RAB11FIP3: variants seen among roughly 807,000 people sequenced by gnomAD.
RAB11FIP3 encodes the protein RAB11 family interacting protein 3.
RAB11FIP3 carries 17 observed loss-of-function variants against 77.8 expected under a neutral mutation model. The ratio of observed to expected loss-of-function variants is 0.22; its 90% CI spans 0.15 to 0.33. The LOEUF is 0.33. Ranked by LOEUF, RAB11FIP3 falls within the 10% of genes least tolerant of loss-of-function variation. The pLI is 1.00. For missense variants in RAB11FIP3, 1,005 were observed against 1,011.2 expected (o/e 0.99, Z 0.08); for synonymous variants, 437 against 448.2 (o/e 0.98, Z 0.31).
chr16:462,513 T>A (rs1019055942), intron 2 of RAB11FIP3, among the ~76,000 whole-genome samples: 1 of 152,100 alleles, frequency 6.6e-6, no homozygotes, highest in African/African-American at 2.4e-5. Context: ...GGTGCTGGGA[T>A]TACAGGCATG....
intron 3 of RAB11FIP3, chr16:477,585 G>A (rs2055943498): frequency 1.0e-6 from 1 of 983,100 alleles, no homozygotes; most frequent in African/African-American, 1.7e-5. Flanking sequence ...CGCAGGCCCA[G>A]CACAGGCCAG....
At chr16:496,134 G>A (rs571226819) in intron 5 of RAB11FIP3, among the ~76,000 whole-genome samples, 3 of 152,322 alleles carry the variant, frequency 2.0e-5, no homozygotes, top group African/African-American at 7.2e-5. Flanking sequence ...ACGTGGCTTT[G>A]TGAGTTCCAG....
At position 426,379 on chromosome 16, in the gene RAB11FIP3, T is replaced by G; in HGVS notation, c.373T>G (p.Trp125Gly). ...PLPELDPLFS[W>G]TEEPEECGPA... ...TCCAGAACTCGACCCGTTGTTCTCC[T>G]GGACTGAGGAGCCCGAGGAGTGTGG... The change falls in exon 1 of 14, where the codon TGG becomes GGG. Residue 125 changes from tryptophan (W) to glycine (G), a missense_variant. Trp to Gly is a radical substitution (Grantham distance 184). This residue lies in a region of RAB11FIP3 where 466 missense variants were observed against 408.3 expected (regional missense o/e 1.14). Coordinates refer to ENST00000262305, the MANE Select transcript of RAB11FIP3 (RefSeq NM_014700.4). The surrounding 1 kb of genome is among the most constrained non-coding windows in gnomAD (Gnocchi z 5.0). 2 of 1,574,846 alleles carry G rather than the reference T, an allele frequency of 1.3e-6. No individual in the cohort carries two copies. The highest frequency in any genetic ancestry group is 1.7e-6 in the Non-Finnish European group (2 of 1,163,032).
chr16:481,284 G>A (rs917141451), intron 3 of RAB11FIP3, among the ~76,000 whole-genome samples: 4 of 151,842 alleles, frequency 2.6e-5, no homozygotes, highest in African/African-American at 9.7e-5. Context: ...GCTGAGGTGG[G>A]TGGATCACCT....
chr16:475,381 A>G (rs2055883877), intron 3 of RAB11FIP3, among the ~76,000 whole-genome samples: 1 of 152,234 alleles, frequency 6.6e-6, no homozygotes, highest in South Asian at 2.1e-4. Context: ...GGTAGCATAG[A>G]CTTGATGGCT....
At chr16:441,536 A>C (rs1359038545) in intron 1 of RAB11FIP3, among the ~76,000 whole-genome samples, 1 of 152,206 alleles carries the variant, frequency 6.6e-6, no homozygotes, top group Admixed American at 6.5e-5. Context: ...ATCCTGTAAC[A>C]GTCATAAAAT....
chr16:511,734 T>C (rs1343422117), intron 9 of RAB11FIP3, among the ~76,000 whole-genome samples: 29 of 41,082 alleles, frequency 7.1e-4, no homozygotes, highest in Admixed American at 2.6e-3. Context: ...GGAGAGGTTC[T>C]TGACAGACCG....
chr16:484,635 G>C (rs2056115928), intron 4 of RAB11FIP3, among the ~76,000 whole-genome samples: 1 of 152,222 alleles, frequency 6.6e-6, no homozygotes, highest in African/African-American at 2.4e-5. Context: ...TGAGAGGTGT[G>C]AGCCACCGCG....
Position 506,056 on chromosome 16 carries a change from C to G in RAB11FIP3, c.1499+429C>G, listed in dbSNP as rs562722416. Among the ~76,000 whole-genome samples, 1 of 152,342 alleles carries G rather than the reference C, an allele frequency of 6.6e-6. No homozygotes were observed. Among genetic ancestry groups the G allele is most frequent in the East Asian group, 1.9e-4 (1 of 5,188 alleles). On this transcript the variant is annotated intron_variant, in intron 8 of 13. Transcript: ENST00000262305. This position sits in a 1 kb window ranked among gnomAD's most constrained non-coding sequence, Gnocchi z 4.5. ...AGAGAAGTCGCTCAGCAGCAGAAAGCGAAATGAGCAGTGACTGCTGAGTAC... is the reference window on the plus strand; with the variant it reads ...AGAGAAGTCGCTCAGCAGCAGAAAGGGAAATGAGCAGTGACTGCTGAGTAC...
intron 8 of RAB11FIP3, 42 bp from the exon 9 acceptor site, chr16:510,618 C>A: frequency 6.4e-7 from 1 of 1,550,528 alleles, no homozygotes; most frequent in Non-Finnish European, 8.7e-7. Flanking sequence ...CCACTGCACA[C>A]CCTGCCTGGA....
At chr16:483,570 AC>A (rs1344962079) in intron 4 of RAB11FIP3, among the ~76,000 whole-genome samples, 1 of 152,118 alleles carries the variant, frequency 6.6e-6, no homozygotes, top group African/African-American at 2.4e-5. Context: ...CGAGTATTTT[AC>A]CCCAAAATAG....
At chr16:498,540 AGTCTTGCTCT>A (rs1045446111) in intron 6 of RAB11FIP3, among the ~76,000 whole-genome samples, 7 of 151,854 alleles carry the variant, frequency 4.6e-5, no homozygotes, top group South Asian at 2.1e-4. Context: ...TTTTTGAGAC[AGTCTTGCTCT>A]GTCTTGCTCT....
At chr16:503,812 G>GGAGGTTGCAGTGAGCC (rs1461656860) in intron 7 of RAB11FIP3, among the ~76,000 whole-genome samples, 1 of 151,806 alleles carries the variant, frequency 6.6e-6, no homozygotes, top group African/African-American at 2.4e-5. Flanking sequence ...CCTGGGAGGT[G>GGAGGTTGCAGTGAGCC]GAGGTTGCAG....
intron 1 of RAB11FIP3, among the ~76,000 whole-genome samples, chr16:442,727 C>T (rs938698245): frequency 1.3e-5 from 2 of 152,156 alleles, no homozygotes; most frequent in Admixed American, 1.3e-4. Flanking sequence ...AGCTGGAGCT[C>T]CACCCTGTTG....
Position 520,715 on chromosome 16 carries a change from T to C in RAB11FIP3, c.2158-11T>C, listed in dbSNP as rs374765384. ...ATGCGCCTCAGCTCTGACCACCTGCTTGCCCTACAGCTCATGGAGGCGATT... is the reference window on the plus strand; with the variant it reads ...ATGCGCCTCAGCTCTGACCACCTGCCTGCCCTACAGCTCATGGAGGCGATT... On this transcript the variant is annotated splice_polypyrimidine_tract_variant and intron_variant, in intron 13 of 13. Transcript: ENST00000262305. The C allele has an allele frequency of 2.9e-4, 461 of 1,613,406 alleles. 1 individual carries two copies. The highest frequency in any genetic ancestry group is 5.5e-4 in the Admixed American group (33 of 60,010).
Position 489,152 on chromosome 16 carries a change from A to G in RAB11FIP3, c.1265+152A>G, listed in dbSNP as rs1596265230. On this transcript the variant is annotated intron_variant, in intron 5 of 13. Coordinates refer to ENST00000262305, the MANE Select transcript of RAB11FIP3 (RefSeq NM_014700.4). Reference sequence around the variant, plus strand: ...AACCATATTCAAACATTTTAAATTTATACCTGGATTTATGAAAGTTGGGAG... The same window carrying G: ...AACCATATTCAAACATTTTAAATTTGTACCTGGATTTATGAAAGTTGGGAG... 6.5e-6 allele frequency: 6 copies of G among 929,500 alleles called. No homozygotes were observed. The East Asian group carries it at 1.7e-4, about 26-fold the overall frequency. 57.6% of individuals were successfully genotyped at this position (929,500 alleles called of 1,614,324 possible). A position where few individuals can be genotyped will look rare whatever the true frequency, so the allele number is the denominator to read the frequency against.
chr16:461,589 C>G lies in RAB11FIP3; in HGVS notation c.808+92C>G, dbSNP rs1350812415. ...CACATCACCAGGCTCCTCGTGCTGA[C>G]TCTAACATCTTTCCTTCTCCTTGAA... On this transcript the variant is annotated intron_variant, in intron 2 of 13. Coordinates refer to ENST00000262305, the MANE Select transcript of RAB11FIP3 (RefSeq NM_014700.4). This position sits in a 1 kb window ranked among gnomAD's most constrained non-coding sequence, Gnocchi z 4.5. 1 of 1,036,722 alleles carries G rather than the reference C, an allele frequency of 9.6e-7. No homozygotes were observed. Among genetic ancestry groups the G allele is most frequent in the Non-Finnish European group, 1.5e-6 (1 of 679,790 alleles). The allele number at this position is 1,036,722 out of a possible 1,614,324, so 64.2% of individuals were successfully genotyped here.
rs2141894070 is a variant in RAB11FIP3, at chr16:514,109, G to T, written c.1640+3309G>T. Among the ~76,000 whole-genome samples, 2 of 152,320 alleles carry T rather than the reference G, an allele frequency of 1.3e-5. No individual in the cohort carries two copies. The highest frequency in any genetic ancestry group is 1.3e-4 in the Admixed American group (2 of 15,300). Reference sequence around the variant, plus strand: ...AGGGCCCAGTGTCACTGCCTCTTGTGAGCAAGCCGCCTGCCCACCCTAAGC... The same window carrying T: ...AGGGCCCAGTGTCACTGCCTCTTGTTAGCAAGCCGCCTGCCCACCCTAAGC... On this transcript the variant is annotated intron_variant, in intron 9 of 13. Coordinates refer to ENST00000262305, the MANE Select transcript of RAB11FIP3 (RefSeq NM_014700.4). The surrounding 1 kb of genome is among the most constrained non-coding windows in gnomAD (Gnocchi z 4.6).
chr16:500,686 G>A (rs536972375), intron 6 of RAB11FIP3, among the ~76,000 whole-genome samples: 431 of 19,870 alleles, frequency 0.022, 2 homozygotes, highest in South Asian at 0.08. Flanking sequence ...AGACTCTGTC[G>A]CAAAAAAAAA....
Sources: gnomAD v4.1 joint callset for allele counts (sites outside exome capture counted in the v4.1 genomes callset) on GRCh38, gnomAD v4.1.1 for gene constraint, gnomAD v4.1.1 regional missense constraint, Gnocchi (gnomAD v3.1) non-coding constraint, MANE v1.5 for transcripts, NCBI Gene and HGNC (gene_info 2026-07-23, HGNC 2026-07-21) for gene names.